The following APOL1 variants were observed in gnomAD, a reference collection of about 807,000 sequenced individuals.
APOL1 encodes the protein apolipoprotein L1.
APOL1 carries 17 observed loss-of-function variants against 14.9 expected under a neutral mutation model. That is an observed-to-expected ratio of 1.14 (90% CI 0.78 to 1.71). APOL1 has a LOEUF of 1.71. Among genes scored for constraint, APOL1 ranks in the 40% most tolerant of loss-of-function variants. The pLI is 0.00. For synonymous variants in APOL1, 195 were observed against 184.8 expected (o/e 1.05, Z -0.45); for missense variants, 523 against 485.9 (o/e 1.08, Z -0.72).
At position 36,253,853 on chromosome 22, in the gene APOL1, G is replaced by C. The variant is rs142778133; in HGVS notation, c.-20+634G>C. 7.5e-5 allele frequency: 102 copies of C among 1,363,058 alleles called. No homozygotes were observed. In the East Asian group the frequency reaches 1.5e-3, roughly 20 times the overall value. 84.4% of individuals were successfully genotyped at this position (1,363,058 alleles called of 1,614,324 possible). A position where few individuals can be genotyped will look rare whatever the true frequency, so the allele number is the denominator to read the frequency against. On this transcript the variant is annotated intron_variant, in intron 1 of 5. Transcript: ENST00000397278. ...CTCTGTTCAGACTTCTGGGGTGATG[G>C]AGAAGAAACAGGCTGTGCTGTGTCC...
At chr22:36,258,105 C>T (rs1038034700) in intron 4 of APOL1, among the ~76,000 whole-genome samples, 1 of 152,196 alleles carries the variant, frequency 6.6e-6, no homozygotes, top group African/African-American at 2.4e-5. Context: ...TGGTTCCCAT[C>T]CCCTCTACTG....
At chr22:36,254,833 A>T (rs2015807106) in intron 1 of APOL1, 104 bp from the exon 2 acceptor site, 2 of 1,482,240 alleles carry the variant, frequency 1.3e-6, no homozygotes, top group Non-Finnish European at 1.9e-6. Flanking sequence ...ACTGCACTCC[A>T]GCCTGGGTGA....
At chr22:36,263,734 T>A (rs1004470196) in intron 5 of APOL1, among the ~76,000 whole-genome samples, 24 of 152,302 alleles carry the variant, frequency 1.6e-4, no homozygotes, top group East Asian at 5.8e-4. Flanking sequence ...TGAAGCCTTT[T>A]TTCAGGATTG....
chr22:36,258,613 A>T (rs562854759), intron 4 of APOL1, among the ~76,000 whole-genome samples: 1 of 152,334 alleles, frequency 6.6e-6, no homozygotes, highest in South Asian at 2.1e-4. Context: ...CTTTTAGTGC[A>T]AAACAGAAGT....
At position 36,254,975 on chromosome 22, in the gene APOL1, T is replaced by G. The variant is rs1556624040; in HGVS notation, c.20T>G (p.Leu7Arg). The G allele has an allele frequency of 6.2e-7, 1 of 1,614,078 alleles. No individual in the cohort carries two copies. The highest frequency in any genetic ancestry group is 1.3e-5 in the African/African-American group (1 of 75,058). ...AGCGACATGGAGGGAGCTGCTTTGC[T>G]GAGAGTCTCTGTCCTCTGCATCTGG... is the stretch of plus-strand genomic sequence containing the variant. MEGAAL[L>R]RVSVLCIWMS... Residue 7 changes from leucine to arginine, a missense_variant, in exon 2 of 6, where the codon CTG (leucine) becomes CGG (arginine). By Grantham distance (102) the Leu-to-Arg change is moderately radical. Transcript: ENST00000397278.
intron 3 of APOL1, 80 bp from the exon 4 acceptor site, chr22:36,257,239 G>T: frequency 2.5e-6 from 4 of 1,602,560 alleles, no homozygotes; most frequent in Admixed American, 1.7e-5. Flanking sequence ...GATTTGCAGA[G>T]CCCCGGCTGC....
intron 4 of APOL1, chr22:36,257,623 C>T (rs2015929520): frequency 1.8e-6 from 1 of 561,786 alleles, no homozygotes; most frequent in Non-Finnish European, 3.2e-6. Flanking sequence ...GCCCAGGTGC[C>T]CACTTCCTCC....
At chr22:36,260,622 G>A (rs1603482120) in intron 4 of APOL1, among the ~76,000 whole-genome samples, 1 of 152,080 alleles carries the variant, frequency 6.6e-6, no homozygotes, top group African/African-American at 2.4e-5. Context: ...TACATTTAAT[G>A]TGAATATTTG....
chr22:36,266,513 C>T lies in APOL1; in HGVS notation c.*480C>T. 2.5e-6 allele frequency: 1 copy of T among 400,206 alleles called. No homozygotes were observed. Among genetic ancestry groups the T allele is most frequent in the Non-Finnish European group, 4.4e-6 (1 of 227,400 alleles). 24.8% of individuals were successfully genotyped at this position (400,206 alleles called of 1,614,324 possible). ...GGAGGGGTTAATGCAGATGGCAGTGCAGCAAGGAGAAGGCAGGAACATTGG... is the reference window on the plus strand; with the variant it reads ...GGAGGGGTTAATGCAGATGGCAGTGTAGCAAGGAGAAGGCAGGAACATTGG... On this transcript the variant is annotated 3_prime_UTR_variant, in exon 6 of 6. Transcript: ENST00000397278.
intron 4 of APOL1, 26 bp from the exon 5 acceptor site, chr22:36,261,570 C>T: frequency 6.2e-7 from 1 of 1,607,652 alleles, no homozygotes; most frequent in Non-Finnish European, 8.5e-7. Context: ...TTTCCTCCAA[C>T]CTTATCCTTT....
At chr22:36,256,847 T>A (rs929539991) in intron 2 of APOL1, among the ~76,000 whole-genome samples, 1 of 152,210 alleles carries the variant, frequency 6.6e-6, no homozygotes, top group Non-Finnish European at 1.5e-5. Context: ...GGGAAAGTGG[T>A]ACCCATCTCC....
chr22:36,259,648 T>A (rs1303947086), intron 4 of APOL1: 2 of 1,277,104 alleles, frequency 1.6e-6, no homozygotes, highest in African/African-American at 3.1e-5. Flanking sequence ...CAAAACAAGA[T>A]GATCTGTGGT....
chr22:36,265,342 A>T lies in APOL1; in HGVS notation c.506A>T (p.His169Leu). The change falls in exon 6 of 6, where the codon CAC (histidine) becomes CTC (leucine). Residue 169 changes from histidine to leucine, a missense_variant. Transcript: ENST00000397278. ...RALADGVQKV[H>L]KGTTIANVVS... ...CTTGCAGATGGGGTTCAGAAGGTCC[A>T]CAAAGGCACCACCATCGCCAATGTG... 6.2e-7 allele frequency: 1 copy of T among 1,612,048 alleles called. No homozygotes were observed. The highest frequency in any genetic ancestry group is 8.5e-7 in the Non-Finnish European group (1 of 1,178,778).
intron 4 of APOL1, among the ~76,000 whole-genome samples, chr22:36,260,600 AC>A (rs1168913634): frequency 6.8e-5 from 5 of 73,090 alleles, no homozygotes; most frequent in Admixed American, 2.0e-4. Flanking sequence ...TTGTAGACCT[AC>A]CATTATTTTT....
chr22:36,259,804 C>T (rs1355586965), intron 4 of APOL1: 70 of 1,304,150 alleles, frequency 5.4e-5, no homozygotes, highest in Non-Finnish European at 7.0e-5. Flanking sequence ...AGAACCCCCT[C>T]CACTGCCCAT....
intron 4 of APOL1, among the ~76,000 whole-genome samples, chr22:36,260,153 G>T (rs912642844): frequency 9.2e-5 from 14 of 152,184 alleles, no homozygotes; most frequent in African/African-American, 3.4e-4. Flanking sequence ...CCCAACATTT[G>T]GGAGGCCGAG....
intron 4 of APOL1, among the ~76,000 whole-genome samples, chr22:36,258,449 TG>T (rs1015025474): frequency 1.2e-4 from 19 of 152,362 alleles, no homozygotes; most frequent in African/African-American, 3.8e-4. Context: ...CTTACAAAAC[TG>T]CCTGTTTGGG....
At position 36,265,998 on chromosome 22, in the gene APOL1, AATT is replaced by A; in HGVS notation, c.1165_1167del (p.Tyr389del). 1 of 1,591,672 alleles carries A rather than the reference AATT, an allele frequency of 6.3e-7. No individual in the cohort carries two copies. The highest frequency in any genetic ancestry group is 1.8e-5 in the African/African-American group (1 of 56,006). On this transcript the variant is annotated inframe_deletion, in exon 6 of 6. Transcript: ENST00000397278. ...GGAGAAGCTAAACATTCTCAACAAT[AATT>A]ATAAGATTCTGCAGGCGGACCAAGA...
At chr22:36,261,310 A>C (rs1238682392) in intron 4 of APOL1, among the ~76,000 whole-genome samples, 1 of 152,202 alleles carries the variant, frequency 6.6e-6, no homozygotes, top group Non-Finnish European at 1.5e-5. Flanking sequence ...CTGTTCTTAC[A>C]ATAGGACACT....
Sources: gnomAD v4.1 joint callset for allele counts (sites outside exome capture counted in the v4.1 genomes callset) on GRCh38, gnomAD v4.1.1 for gene constraint, MANE v1.5 for transcripts, NCBI Gene and HGNC (gene_info 2026-07-23, HGNC 2026-07-21) for gene names.